Variants in ACTN2 observed in about 807,000 individuals in gnomAD.
ACTN2 encodes alpha-actinin-2.
Under a neutral mutation model 113.8 loss-of-function variants are expected in ACTN2, and 39 were observed. The ratio of observed to expected loss-of-function variants is 0.34; its 90% CI spans 0.27 to 0.45. The LOEUF is 0.45. Among genes scored for constraint, ACTN2 ranks in the 20% least tolerant of loss-of-function variants. The probability of loss-of-function intolerance (pLI) is 1.00; values close to 1 mark genes in which losing one functional copy is unlikely to be tolerated. For synonymous variants in ACTN2, 429 were observed against 444.1 expected, an observed-to-expected ratio of 0.97 and a Z score of 0.43; for missense variants, 992 against 1,177.9, an observed-to-expected ratio of 0.84 and a Z score of 2.31.
chr1:236,716,855 G>C (rs1658232600), intron 1 of ACTN2, among the ~76,000 whole-genome samples: 1 of 6,718 alleles, frequency 1.5e-4, no homozygotes, highest in Non-Finnish European at 6.0e-4. Flanking sequence ...TTTTTTTTGA[G>C]ACAGAGTCTC....
intron 1 of ACTN2, among the ~76,000 whole-genome samples, chr1:236,703,179 A>T (rs1657725794): frequency 6.6e-6 from 1 of 152,152 alleles, no homozygotes; most frequent in Admixed American, 6.5e-5. Flanking sequence ...CCAGGCTCCA[A>T]GGGAACAAGT....
chr1:236,724,613 AGAG>A (rs1475055001), intron 4 of ACTN2, among the ~76,000 whole-genome samples: 1 of 152,188 alleles, frequency 6.6e-6, no homozygotes, highest in Non-Finnish European at 1.5e-5. Context: ...GGCTGCCCTG[AGAG>A]GAGTCTCACG....
chr1:236,746,814 C>T (rs139248885), intron 12 of ACTN2, among the ~76,000 whole-genome samples: 327 of 152,272 alleles, frequency 2.1e-3, no homozygotes, highest in African/African-American at 7.6e-3. Context: ...AATCATTTTG[C>T]CCTTGCTTGT....
rs12086403 is a variant in ACTN2, at chr1:236,737,077, A to G, written c.784-45A>G. 1.9e-3 allele frequency: 2,922 copies of G among 1,520,086 alleles called. 48 individuals carry two copies. The African/African-American group carries it at 0.03, about 16-fold the overall frequency. The allele number at this position is 1,520,086 out of a possible 1,614,324, so 94.2% of individuals were successfully genotyped here. A position where few individuals can be genotyped will look rare whatever the true frequency, so the allele number is the denominator to read the frequency against. ...ACCTCGTTCCATGCTGTGTGTGCGC[A>G]TTCCCGTCGACAGAGCCGTCCTGTT... is the stretch of plus-strand genomic sequence containing the variant. On this transcript the variant is annotated intron_variant, in intron 8 of 20. Coordinates refer to ENST00000366578, the MANE Select transcript of ACTN2 (RefSeq NM_001103.4).
At chr1:236,723,059 C>T (rs1614246) in intron 4 of ACTN2, among the ~76,000 whole-genome samples, 151,173 of 152,352 alleles carry the variant, frequency 0.99, 75,009 homozygotes, top group Middle Eastern at 1. Flanking sequence ...AGTGAAACTC[C>T]GTGACTTGTA....
Position 236,755,151 on chromosome 1 carries a change from C to G in ACTN2, c.2107C>G (p.Gln703Glu). 6.2e-7 allele frequency: 1 copy of G among 1,614,168 alleles called. No individual in the cohort carries two copies. The highest frequency in any genetic ancestry group is 8.5e-7 in the Non-Finnish European group (1 of 1,180,032). Reference sequence around the variant, plus strand: ...GCTGGAGGGAGACCATCAGCTCATCCAGGAGGCCCTTGTCTTTGACAACAA... The same window carrying G: ...GCTGGAGGGAGACCATCAGCTCATCGAGGAGGCCCTTGTCTTTGACAACAA... ...DKLEGDHQLI[Q>E]EALVFDNKHT... Residue 703 changes from glutamine to glutamate, a missense_variant, in exon 17 of 21, where the codon CAG (glutamine) becomes GAG (glutamate). Physicochemically the swap from Gln to Glu is conservative, Grantham distance 29. Transcript: ENST00000366578.
At chr1:236,738,501 G>A (rs1201699605) in intron 9 of ACTN2, among the ~76,000 whole-genome samples, 1 of 152,234 alleles carries the variant, frequency 6.6e-6, no homozygotes, top group African/African-American at 2.4e-5. Context: ...AGCATGGCCA[G>A]TACTGAAGGC....
intron 17 of ACTN2, 63 bp downstream of exon 17, chr1:236,755,261 G>T (rs1659521545): frequency 6.3e-7 from 1 of 1,596,180 alleles, no homozygotes; most frequent in Non-Finnish European, 8.6e-7. Context: ...CCTCCTCAGG[G>T]TGCTTTCTTC....
rs1367331045 is a variant in ACTN2, at chr1:236,743,044, G to C, written c.1255+1G>C. On this transcript the variant is annotated splice_donor_variant, in intron 11 of 20. Transcript: ENST00000366578. LOFTEE classifies it high-confidence loss of function. Reference sequence around the variant, plus strand: ...TCAACGCACGAGACTTGGGCTTATGGTAAGTAGACAGGAGTCAGATTGGAT... The same window carrying C: ...TCAACGCACGAGACTTGGGCTTATGCTAAGTAGACAGGAGTCAGATTGGAT... 11 of 1,614,126 alleles carry C rather than the reference G, an allele frequency of 6.8e-6. No homozygotes were observed. The highest frequency in any genetic ancestry group is 8.5e-6 in the Non-Finnish European group (10 of 1,180,026).
At chr1:236,719,343 T>TA (rs1368933310) in intron 3 of ACTN2, among the ~76,000 whole-genome samples, 4 of 152,230 alleles carry the variant, frequency 2.6e-5, no homozygotes, top group Non-Finnish European at 5.9e-5. Flanking sequence ...TTGTTCTCTA[T>TA]GGGAGACTGG....
At chr1:236,715,695 C>T (rs151246033) in intron 1 of ACTN2, among the ~76,000 whole-genome samples, 1 of 152,120 alleles carries the variant, frequency 6.6e-6, no homozygotes, top group Non-Finnish European at 1.5e-5. Context: ...GTGGCTCATG[C>T]CTGTAATCCC....
chr1:236,704,720 T>C (rs1392008873), intron 1 of ACTN2, among the ~76,000 whole-genome samples: 1 of 152,144 alleles, frequency 6.6e-6, no homozygotes, highest in Non-Finnish European at 1.5e-5. Flanking sequence ...CCCCAGCAGG[T>C]CGCCCTCCAG....
intron 1 of ACTN2, among the ~76,000 whole-genome samples, chr1:236,715,518 T>A (rs927283536): frequency 1.2e-4 from 18 of 152,138 alleles, no homozygotes; most frequent in Non-Finnish European, 2.2e-4. Flanking sequence ...CATCCAATAC[T>A]ACTAGCCATA....
intron 15 of ACTN2, among the ~76,000 whole-genome samples, chr1:236,752,502 C>T (rs887049816): frequency 3.7e-4 from 2 of 5,396 alleles, no homozygotes; most frequent in African/African-American, 9.3e-4. Flanking sequence ...AGTTTTCTTG[C>T]GGGGGTGGGG....
intron 14 of ACTN2, 27 bp downstream of exon 14, chr1:236,749,291 C>G: frequency 6.2e-7 from 1 of 1,613,596 alleles, no homozygotes; most frequent in Non-Finnish European, 8.5e-7. Flanking sequence ...TCTGTATGCC[C>G]TATGCATTAG....
At chr1:236,708,574 A>G (rs938885406) in intron 1 of ACTN2, among the ~76,000 whole-genome samples, 26 of 152,124 alleles carry the variant, frequency 1.7e-4, no homozygotes, top group Non-Finnish European at 2.6e-4. Context: ...CACTCTCTAA[A>G]CGTTTTTCAA....
At chr1:236,715,015 A>T (rs1412416913) in intron 1 of ACTN2, among the ~76,000 whole-genome samples, 1 of 148,586 alleles carries the variant, frequency 6.7e-6, no homozygotes. Context: ...GTGTTTATGT[A>T]TACACAGATA....
chr1:236,734,846 A>G (rs1259805289), intron 7 of ACTN2, among the ~76,000 whole-genome samples: 1 of 152,192 alleles, frequency 6.6e-6, no homozygotes, highest in Non-Finnish European at 1.5e-5. Context: ...TGACCCATTG[A>G]CTGACCCAAG....
intron 7 of ACTN2, chr1:236,734,408 G>T (rs768039030): frequency 4.2e-5 from 63 of 1,498,278 alleles, no homozygotes; most frequent in Non-Finnish European, 1.8e-6. Flanking sequence ...ACATCCACGC[G>T]GTTAACCTTC....
Sources: allele counts gnomAD v4.1 joint callset (sites outside exome capture counted in the v4.1 genomes callset), GRCh38; gene constraint gnomAD v4.1.1; transcripts MANE v1.5; gene names NCBI Gene and HGNC (gene_info 2026-07-23, HGNC 2026-07-21).